Variants in IL1RAP observed in about 807,000 individuals in gnomAD.
The protein encoded by IL1RAP is interleukin-1 receptor accessory protein.
A neutral mutation model predicts 60.7 loss-of-function variants in IL1RAP; 35 were observed. The observed-to-expected ratio is 0.58, with a 90% confidence interval of 0.44 to 0.76. The LOEUF is 0.76. Among genes scored for constraint, IL1RAP ranks in the 30% least tolerant of loss-of-function variants. The probability of loss-of-function intolerance (pLI) is 0.00; values close to 1 mark genes in which losing one functional copy is unlikely to be tolerated. For synonymous variants in IL1RAP, 268 were observed against 250.9 expected, an observed-to-expected ratio of 1.07 and a Z score of -0.64; for missense variants, 572 against 693.9, an observed-to-expected ratio of 0.82 and a Z score of 1.97.
intron 3 of IL1RAP, among the ~76,000 whole-genome samples, chr3:190,568,831 T>C (rs1412766992): frequency 6.6e-6 from 1 of 152,222 alleles, no homozygotes; most frequent in Non-Finnish European, 1.5e-5. Flanking sequence ...TTAACAATGA[T>C]TTCACTTTAT....
intron 3 of IL1RAP, among the ~76,000 whole-genome samples, chr3:190,602,323 TC>T (rs1239268420): frequency 6.6e-6 from 1 of 152,144 alleles, no homozygotes; most frequent in African/African-American, 2.4e-5. Context: ...AAACTCTCAT[TC>T]AAAAATAGCC....
At position 190,530,421 on chromosome 3, in the gene IL1RAP, A is replaced by T. The variant is rs189304948; in HGVS notation, c.-89+16202A>T. 3.0e-4 allele frequency among the ~76,000 whole-genome samples: 46 copies of T among 152,332 alleles called. No individual in the cohort carries two copies. In the East Asian group the frequency reaches 8.7e-3, roughly 29 times the overall value. ...ATAATAATCAAGGTGGAAAATTTGC[A>T]TTCCCAGAACTTTCTTCTGTTCTCA... is the stretch of plus-strand genomic sequence containing the variant. On this transcript the variant is annotated intron_variant, in intron 1 of 11. Transcript: ENST00000447382.
chr3:190,540,041 T>A (rs557435189), intron 1 of IL1RAP, among the ~76,000 whole-genome samples: 1 of 152,256 alleles, frequency 6.6e-6, no homozygotes, highest in Non-Finnish European at 1.5e-5. Context: ...TTGTTTCATC[T>A]TAAAACCTTA....
chr3:190,636,460 T>C (rs1733230697), intron 9 of IL1RAP, among the ~76,000 whole-genome samples: 1 of 151,850 alleles, frequency 6.6e-6, no homozygotes, highest in Non-Finnish European at 1.5e-5. Flanking sequence ...TTGTGAAATG[T>C]CCGTTTTTTC....
intron 3 of IL1RAP, among the ~76,000 whole-genome samples, chr3:190,586,501 A>G (rs937450376): frequency 3.3e-5 from 5 of 152,120 alleles, no homozygotes; most frequent in African/African-American, 1.2e-4. Flanking sequence ...CTGTTTCCCT[A>G]TTGGCCGTGA....
At chr3:190,538,424 CT>C (rs1363282479) in intron 1 of IL1RAP, among the ~76,000 whole-genome samples, 1 of 152,154 alleles carries the variant, frequency 6.6e-6, no homozygotes, top group African/African-American at 2.4e-5. Context: ...TGAGTGGGTT[CT>C]GATAGAATCT....
At chr3:190,615,517 C>T (rs1731190377) in intron 5 of IL1RAP, among the ~76,000 whole-genome samples, 1 of 152,170 alleles carries the variant, frequency 6.6e-6, no homozygotes, top group Non-Finnish European at 1.5e-5. Context: ...AGACAATTTT[C>T]TCACCGAGGA....
chr3:190,530,984 C>CTA (rs1352731089), intron 1 of IL1RAP, among the ~76,000 whole-genome samples: 1 of 152,166 alleles, frequency 6.6e-6, no homozygotes, highest in Admixed American at 6.5e-5. Flanking sequence ...CATTGGTGTT[C>CTA]TATATATTCA....
intron 1 of IL1RAP, among the ~76,000 whole-genome samples, chr3:190,528,726 TATATA>T (rs1225851046): frequency 6.6e-6 from 1 of 152,224 alleles, no homozygotes; most frequent in African/African-American, 2.4e-5. Context: ...TTTGAAAAGA[TATATA>T]AGGTAATAAA....
intron 3 of IL1RAP, among the ~76,000 whole-genome samples, chr3:190,566,618 G>A (rs200699590): frequency 1.3e-5 from 2 of 152,290 alleles, no homozygotes; most frequent in South Asian, 2.1e-4. Flanking sequence ...TTGCGTCACC[G>A]TGGGAGCAGG....
At chr3:190,653,774 A>G (rs1577838169), downstream of IL1RAP, among the ~76,000 whole-genome samples, 1 of 152,336 alleles carries the variant, frequency 6.6e-6, no homozygotes, top group African/African-American at 2.4e-5. Flanking sequence ...GAGCTAAATT[A>G]CTACTCCTCC....
chr3:190,652,122 G>A (rs1343890242), downstream of IL1RAP, among the ~76,000 whole-genome samples: 3 of 151,818 alleles, frequency 2.0e-5, no homozygotes, highest in African/African-American at 4.8e-5. Flanking sequence ...TTTTATTTTC[G>A]GTTAATAATA....
chr3:190,593,075 C>G (rs1729081496), intron 3 of IL1RAP, among the ~76,000 whole-genome samples: 3 of 152,020 alleles, frequency 2.0e-5, no homozygotes, highest in Admixed American at 1.3e-4. Flanking sequence ...CTCACCAAAC[C>G]CTTTTTTTTT....
In IL1RAP at chr3:190,529,554, G is replaced by A. The variant is rs868545543; in HGVS notation, c.-89+15335G>A. The stretch of plus-strand genomic sequence containing the variant: ...ACAAAAATTAGCTGGGTGTGGTGAC[G>A]CACGCCTGTACTCCCAGCTCCTTGG... On this transcript the variant is annotated intron_variant, in intron 1 of 11. Coordinates refer to ENST00000447382, the MANE Select transcript of IL1RAP (RefSeq NM_002182.4). 1.1e-3 allele frequency among the ~76,000 whole-genome samples: 161 copies of A among 152,064 alleles called. 2 individuals are homozygous for A. Among genetic ancestry groups the A allele is most frequent in the African/African-American group, 3.7e-3 (153 of 41,468 alleles).
At chr3:190,525,282 C>T (rs1722412291) in intron 1 of IL1RAP, among the ~76,000 whole-genome samples, 2 of 152,130 alleles carry the variant, frequency 1.3e-5, no homozygotes, top group Admixed American at 1.3e-4. Context: ...GTAGACTAGT[C>T]AGAGAAGTGA....
chr3:190,517,366 G>A (rs1359101743), intron 1 of IL1RAP, among the ~76,000 whole-genome samples: 3 of 152,190 alleles, frequency 2.0e-5, no homozygotes, highest in African/African-American at 7.2e-5. Context: ...TGTTATGAGT[G>A]TCCATGGCAT....
intron 3 of IL1RAP, among the ~76,000 whole-genome samples, chr3:190,592,020 G>GGTTT (rs904469592): frequency 6.6e-6 from 1 of 152,042 alleles, no homozygotes; most frequent in African/African-American, 2.4e-5. Flanking sequence ...TCGTTCTTTT[G>GGTTT]GTTTGTTTGT....
At chr3:190,583,079 A>G (rs919406236) in intron 3 of IL1RAP, among the ~76,000 whole-genome samples, 2 of 152,204 alleles carry the variant, frequency 1.3e-5, no homozygotes, top group African/African-American at 4.8e-5. Flanking sequence ...GCTAAGTAAG[A>G]TCCCTGTTAA....
At chr3:190,578,877 T>C (rs1460770739) in intron 3 of IL1RAP, among the ~76,000 whole-genome samples, 1 of 152,168 alleles carries the variant, frequency 6.6e-6, no homozygotes, top group African/African-American at 2.4e-5. Context: ...GAGACTATCA[T>C]GACAACAGCA....
Sources: gnomAD v4.1 joint callset for allele counts (sites outside exome capture counted in the v4.1 genomes callset) on GRCh38, gnomAD v4.1.1 for gene constraint, MANE v1.5 for transcripts, NCBI Gene and HGNC (gene_info 2026-07-23, HGNC 2026-07-21) for gene names.